Variants in BCLAF1 observed in about 807,000 individuals in gnomAD.
BCLAF1 encodes bcl-2-associated transcription factor 1.
A neutral mutation model predicts 99.5 loss-of-function variants in BCLAF1; 10 were observed. That is an observed-to-expected ratio of 0.10 (90% CI 0.06 to 0.17). The LOEUF (loss-of-function observed/expected upper bound fraction) is 0.17. Among genes scored for constraint, BCLAF1 ranks in the 10% least tolerant of loss-of-function variants. The pLI is 1.00. For missense variants in BCLAF1, 636 were observed against 1,105.8 expected (o/e 0.58, Z 6.02); for synonymous variants, 255 against 370.9 (o/e 0.69, Z 3.59).
intron 11 of BCLAF1, among the ~76,000 whole-genome samples, chr6:136,262,082 C>G (rs1439679830): frequency 6.6e-6 from 1 of 152,126 alleles, no homozygotes; most frequent in Non-Finnish European, 1.5e-5. Flanking sequence ...TCACTCAGTT[C>G]TTCATCAATC....
chr6:136,263,184 T>A (rs1781255595), intron 11 of BCLAF1, among the ~76,000 whole-genome samples: 1 of 152,138 alleles, frequency 6.6e-6, no homozygotes, highest in Admixed American at 6.5e-5. Context: ...ATTAAGTAAC[T>A]TGCCCAAGGT....
rs373325225 is a variant in BCLAF1, at chr6:136,279,671, A to G, written c.104+92T>C. On this transcript the variant is annotated intron_variant, in intron 3 of 12. Coordinates refer to ENST00000531224, the MANE Select transcript of BCLAF1 (RefSeq NM_014739.3). ...TCACAGGGTTCTTTGAGAATAAAATACATTTTGGGGTTTAGCACTGTGTTT... is the reference window on the plus strand; with the variant it reads ...TCACAGGGTTCTTTGAGAATAAAATGCATTTTGGGGTTTAGCACTGTGTTT... 367 of 1,205,816 alleles carry G rather than the reference A, an allele frequency of 3.0e-4. No individual in the cohort carries two copies. The African/African-American group carries it at 5.2e-3, about 17-fold the overall frequency. The allele number at this position is 1,205,816 out of a possible 1,614,324, so 74.7% of individuals were successfully genotyped here. A position where few individuals can be genotyped will look rare whatever the true frequency, so the allele number is the denominator to read the frequency against.
chr6:136,288,301 G>A (rs1052852505), intron 1 of BCLAF1, among the ~76,000 whole-genome samples: 32 of 152,170 alleles, frequency 2.1e-4, no homozygotes, highest in African/African-American at 7.2e-4. Flanking sequence ...GCCCCCGCTG[G>A]AGTGCAGTGG....
intron 11 of BCLAF1, among the ~76,000 whole-genome samples, chr6:136,261,792 C>G (rs1192451621): frequency 6.6e-6 from 1 of 151,992 alleles, no homozygotes; most frequent in Non-Finnish European, 1.5e-5. Context: ...TTATGTCAAT[C>G]CAAGTCCACT....
chr6:136,285,258 T>C (rs1435021925), intron 1 of BCLAF1, among the ~76,000 whole-genome samples: 1 of 152,168 alleles, frequency 6.6e-6, no homozygotes, highest in East Asian at 1.9e-4. Flanking sequence ...AAATCCAAGA[T>C]GTGGTTTGTC....
intron 10 of BCLAF1, among the ~76,000 whole-genome samples, chr6:136,267,549 T>C (rs1372600025): frequency 1.3e-5 from 2 of 151,924 alleles, no homozygotes; most frequent in African/African-American, 4.8e-5. Flanking sequence ...CTCTTCTCTT[T>C]CCCAAATTAT....
intron 1 of BCLAF1, among the ~76,000 whole-genome samples, chr6:136,284,022 C>T (rs1462201340): frequency 2.0e-5 from 3 of 151,558 alleles, no homozygotes; most frequent in South Asian, 2.1e-4. Context: ...GTCATTACTA[C>T]TGATTCACTC....
chr6:136,275,759 A>C (rs1166409139), intron 5 of BCLAF1, 58 bp from the exon 6 acceptor site: 8 of 1,559,640 alleles, frequency 5.1e-6, no homozygotes, highest in Non-Finnish European at 6.9e-6. Context: ...TAAATATAAA[A>C]ATGGTATGTT....
At chr6:136,274,090 TTTTTG>T in intron 6 of BCLAF1, 1 of 1,288,234 alleles carries the variant, frequency 7.8e-7, no homozygotes, top group Non-Finnish European at 1.0e-6. Context: ...TTTTATGCCA[TTTTTG>T]CCAGGAAGAC....
intron 11 of BCLAF1, among the ~76,000 whole-genome samples, chr6:136,265,819 C>A (rs1781633740): frequency 6.6e-6 from 1 of 152,158 alleles, no homozygotes; most frequent in Non-Finnish European, 1.5e-5. Flanking sequence ...GTTTGTTTCT[C>A]TACTACTAGC....
intron 3 of BCLAF1, 39 bp from the exon 4 acceptor site, chr6:136,278,815 T>C: frequency 6.9e-7 from 1 of 1,448,652 alleles, no homozygotes. Context: ...AAAAATAAAG[T>C]ATTCCATGCT....
At chr6:136,267,406 T>C (rs1322232321) in intron 10 of BCLAF1, among the ~76,000 whole-genome samples, 1 of 151,974 alleles carries the variant, frequency 6.6e-6, no homozygotes, top group East Asian at 1.9e-4. Context: ...AATACTGTAC[T>C]TTCATGGACT....
intron 1 of BCLAF1, among the ~76,000 whole-genome samples, chr6:136,284,877 G>C: frequency 6.6e-6 from 1 of 152,186 alleles, no homozygotes; most frequent in African/African-American, 2.4e-5. Context: ...GGTGGGCAGG[G>C]GGACTACTTA....
At position 136,277,917 on chromosome 6, in the gene BCLAF1, A is replaced by G. The variant is rs1783665752; in HGVS notation, c.964T>C (p.Tyr322His). 1 of 1,579,246 alleles carries G rather than the reference A, an allele frequency of 6.3e-7. No homozygotes were observed. The highest frequency in any genetic ancestry group is 1.4e-5 in the African/African-American group (1 of 73,108). ...RDESRGRSSF[Y>H]PDGGDQETAK... is the part of the protein sequence containing the mutation. ...GTTTCCTGATCTCCACCATCAGGAT[A>G]AAACGAGGAACGGCCCCTAGACTCA... Residue 322 changes from tyrosine to histidine, a missense_variant, in exon 4 of 13, where the codon TAT (tyrosine) becomes CAT (histidine). Physicochemically the swap from Tyr to His is moderately conservative, Grantham distance 83. Around this residue, in one of 9 missense-constraint regions of BCLAF1, gnomAD observed 186 missense variants for 275.3 expected, o/e 0.68. Coordinates refer to ENST00000531224, the MANE Select transcript of BCLAF1 (RefSeq NM_014739.3).
intron 1 of BCLAF1, among the ~76,000 whole-genome samples, chr6:136,289,329 G>A (rs908119499): frequency 6.6e-6 from 1 of 152,270 alleles, no homozygotes; most frequent in Non-Finnish European, 1.5e-5. Flanking sequence ...ATAGGCGGGG[G>A]AGAGAAAAAT....
chr6:136,274,897 G>C (rs900002020), intron 6 of BCLAF1, among the ~76,000 whole-genome samples: 3 of 151,274 alleles, frequency 2.0e-5, no homozygotes, highest in African/African-American at 4.9e-5. Context: ...CTTATCTTTA[G>C]GACCTAAAGA....
At chr6:136,263,036 T>C (rs1198444837) in intron 11 of BCLAF1, among the ~76,000 whole-genome samples, 2 of 152,168 alleles carry the variant, frequency 1.3e-5, no homozygotes, top group African/African-American at 2.4e-5. Context: ...GCAAAAATGA[T>C]GTTTCTATAG....
rs1780517681 is a variant in BCLAF1, at chr6:136,257,114, G to C, written c.*3996C>G. On this transcript the variant is annotated 3_prime_UTR_variant, in exon 13 of 13. Transcript: ENST00000531224. ...ATATTCTTGGGGGAAAGGCATTAAAGCCTGCTCACCCAACCTTTTTCTATT... is the reference window on the plus strand; with the variant it reads ...ATATTCTTGGGGGAAAGGCATTAAACCCTGCTCACCCAACCTTTTTCTATT... 1 of 152,140 alleles carries C rather than the reference G, an allele frequency of 6.6e-6. No homozygotes were observed. The highest frequency in any genetic ancestry group is 2.4e-5 in the African/African-American group (1 of 41,422). 9.4% of individuals were successfully genotyped at this position (152,140 alleles called of 1,614,324 possible). A position where few individuals can be genotyped will look rare whatever the true frequency, so the allele number is the denominator to read the frequency against.
rs951407076 is a variant in BCLAF1, at chr6:136,260,997, T to A, written c.*113A>T. 73 of 1,218,584 alleles carry A rather than the reference T, an allele frequency of 6.0e-5. No homozygotes were observed. The highest frequency in any genetic ancestry group is 7.9e-5 in the Non-Finnish European group (70 of 885,314). The allele number at this position is 1,218,584 out of a possible 1,614,324, so 75.5% of individuals were successfully genotyped here. A position where few individuals can be genotyped will look rare whatever the true frequency, so the allele number is the denominator to read the frequency against. ...TTAAAACAAAATTTCTATAGACTAC[T>A]TGCAAACAGTAAAATTTAAGTAAAA... On this transcript the variant is annotated 3_prime_UTR_variant, in exon 13 of 13. Coordinates refer to ENST00000531224, the MANE Select transcript of BCLAF1 (RefSeq NM_014739.3).
Sources: allele counts gnomAD v4.1 joint callset (sites outside exome capture counted in the v4.1 genomes callset), GRCh38; gene constraint gnomAD v4.1.1; regional missense constraint gnomAD v4.1.1; transcripts MANE v1.5; gene names NCBI Gene and HGNC (gene_info 2026-07-23, HGNC 2026-07-21).